The following TCF4 variants were observed in gnomAD, a reference collection of about 807,000 sequenced individuals.
TCF4 encodes transcription factor 4.
Under a neutral mutation model 82.1 loss-of-function variants are expected in TCF4, and 3 were observed. The ratio of observed to expected loss-of-function variants is 0.04; its 90% CI spans 0.02 to 0.09. The LOEUF is 0.09. Ranked by LOEUF, TCF4 falls within the 10% of genes least tolerant of loss-of-function variation. TCF4 has a pLI of 1.00. For synonymous variants in TCF4, 276 were observed against 309.6 expected (o/e 0.89, Z 1.14); for missense variants, 518 against 852.7 (o/e 0.61, Z 4.89).
chr18:55,503,408 A>C (rs946202100), intron 3 of TCF4, among the ~76,000 whole-genome samples: 1 of 152,230 alleles, frequency 6.6e-6, no homozygotes, highest in Non-Finnish European at 1.5e-5. Flanking sequence ...ACTTATGAAC[A>C]GAATTTTCAC....
chr18:55,429,902 A>G (rs916917424), intron 5 of TCF4, among the ~76,000 whole-genome samples: 2 of 151,688 alleles, frequency 1.3e-5, no homozygotes, highest in Admixed American at 1.3e-4. Flanking sequence ...AGAAACTATC[A>G]CAGTTTGGCT....
At chr18:55,469,337 G>A (rs972570722) in intron 3 of TCF4, among the ~76,000 whole-genome samples, 3 of 152,106 alleles carry the variant, frequency 2.0e-5, no homozygotes, top group East Asian at 3.9e-4. Context: ...GGTGGTGGAC[G>A]CCTGTAATCC....
At chr18:55,622,366 G>A (rs1440497393) in intron 2 of TCF4, among the ~76,000 whole-genome samples, 1 of 151,532 alleles carries the variant, frequency 6.6e-6, no homozygotes, top group African/African-American at 2.4e-5. Context: ...AATTAGCTGG[G>A]CGTGGTGGTG....
intron 8 of TCF4, among the ~76,000 whole-genome samples, chr18:55,303,297 A>C (rs1296961669): frequency 6.7e-6 from 1 of 149,022 alleles, no homozygotes; most frequent in Non-Finnish European, 1.5e-5. Flanking sequence ...GCTACTGGCA[A>C]TGGGTGCAAC....
intron 3 of TCF4, among the ~76,000 whole-genome samples, chr18:55,583,000 A>C (rs2097590936): frequency 6.6e-6 from 1 of 152,150 alleles, no homozygotes; most frequent in African/African-American, 2.4e-5. Flanking sequence ...TTTTAAGTGG[A>C]AATACAACCC....
chr18:55,521,649 T>C (rs1409142063), intron 3 of TCF4, among the ~76,000 whole-genome samples: 2 of 152,216 alleles, frequency 1.3e-5, no homozygotes, highest in African/African-American at 4.8e-5. Context: ...ACCATTGCTC[T>C]AAAAAGTGCA....
chr18:55,467,559 C>A (rs775569469), intron 3 of TCF4, among the ~76,000 whole-genome samples: 3 of 152,156 alleles, frequency 2.0e-5, no homozygotes, highest in Non-Finnish European at 4.4e-5. Context: ...ATGCCCCACA[C>A]CACCAACAGC....
rs575818976 is a variant in TCF4, at chr18:55,450,333, A to C, written c.304+10686T>G. Among the ~76,000 whole-genome samples, 4 of 152,354 alleles carry C rather than the reference A, an allele frequency of 2.6e-5. No homozygotes were observed. In the South Asian group the frequency reaches 8.3e-4, roughly 32 times the overall value. On this transcript the variant is annotated intron_variant, in intron 5 of 19. Transcript: ENST00000354452. ...TGCTTCCTTGCAATTTTTCCTATTAATAAATGTGTCAAGGAATTAAGGAGT... is the reference window on the plus strand; with the variant it reads ...TGCTTCCTTGCAATTTTTCCTATTACTAAATGTGTCAAGGAATTAAGGAGT...
At chr18:55,594,944 A>G (rs902505782) in intron 2 of TCF4, among the ~76,000 whole-genome samples, 1 of 152,178 alleles carries the variant, frequency 6.6e-6, no homozygotes, top group Admixed American at 6.5e-5. Flanking sequence ...AACTTGCAGC[A>G]TACACAAGGG....
chr18:55,526,742 T>G (rs1437277631), intron 3 of TCF4, among the ~76,000 whole-genome samples: 1 of 152,144 alleles, frequency 6.6e-6, no homozygotes, highest in Non-Finnish European at 1.5e-5. Flanking sequence ...GGCTTTCAGA[T>G]TATTTACCAA....
At chr18:55,568,477 A>G (rs1212829256) in intron 3 of TCF4, among the ~76,000 whole-genome samples, 1 of 151,844 alleles carries the variant, frequency 6.6e-6, no homozygotes, top group African/African-American at 2.4e-5. Flanking sequence ...GAAAACTGAC[A>G]TATATTACAT....
intron 6 of TCF4, among the ~76,000 whole-genome samples, chr18:55,387,786 C>A (rs898011049): frequency 6.6e-6 from 1 of 152,174 alleles, no homozygotes; most frequent in African/African-American, 2.4e-5. Flanking sequence ...AAGGGACAAT[C>A]GTCTAGAAAT....
intron 2 of TCF4, among the ~76,000 whole-genome samples, chr18:55,615,750 C>T (rs954690283): frequency 2.0e-5 from 3 of 152,044 alleles, no homozygotes; most frequent in African/African-American, 7.2e-5. Context: ...GAATTGTCAA[C>T]ATCAAATGAA....
chr18:55,536,478 C>T (rs2097115475), intron 3 of TCF4, among the ~76,000 whole-genome samples: 1 of 152,186 alleles, frequency 6.6e-6, no homozygotes, highest in Non-Finnish European at 1.5e-5. Context: ...CTAGTGCCAT[C>T]CTAAAAGCAT....
chr18:55,395,478 C>T (rs966193660), intron 6 of TCF4, among the ~76,000 whole-genome samples: 2 of 152,206 alleles, frequency 1.3e-5, no homozygotes, highest in African/African-American at 4.8e-5. Context: ...CATAAATCAT[C>T]TCAAAGCAAT....
chr18:55,483,994 T>C (rs535768625), intron 3 of TCF4, among the ~76,000 whole-genome samples: 1 of 152,376 alleles, frequency 6.6e-6, no homozygotes, highest in Non-Finnish European at 1.5e-5. Context: ...TACAACTTTA[T>C]ACATCAGAGA....
intron 3 of TCF4, among the ~76,000 whole-genome samples, chr18:55,468,855 G>A (rs1028356990): frequency 6.7e-6 from 1 of 148,836 alleles, no homozygotes; most frequent in African/African-American, 2.5e-5. Context: ...TGCCTGGGAT[G>A]AAGCTGCTGA....
At chr18:55,567,525 CAACATGGTGA>C (rs1325939844) in intron 3 of TCF4, among the ~76,000 whole-genome samples, 6 of 152,148 alleles carry the variant, frequency 3.9e-5, no homozygotes, top group South Asian at 2.1e-4. Context: ...CCAGCCTGGC[CAACATGGTGA>C]AACCCAGTCT....
intron 8 of TCF4, among the ~76,000 whole-genome samples, chr18:55,316,902 T>C (rs1249252393): frequency 6.6e-6 from 1 of 151,966 alleles, no homozygotes; most frequent in African/African-American, 2.4e-5. Context: ...CTAGCAGAAA[T>C]TAGGAACTAG....
Sources: allele counts gnomAD v4.1 joint callset (sites outside exome capture counted in the v4.1 genomes callset), GRCh38; gene constraint gnomAD v4.1.1; transcripts MANE v1.5; gene names NCBI Gene and HGNC (gene_info 2026-07-23, HGNC 2026-07-21).